MARF1: variants seen among roughly 807,000 people sequenced by gnomAD.
MARF1 encodes meiosis regulator and mRNA stability factor 1, also known as limkain-b1.
A neutral mutation model predicts 168.2 loss-of-function variants in MARF1; 24 were observed. The ratio of observed to expected loss-of-function variants is 0.14; its 90% CI spans 0.10 to 0.20. MARF1 has a LOEUF of 0.20. MARF1 is among the 10% of genes least tolerant of loss of function. MARF1 has a pLI of 1.00. For synonymous variants in MARF1, 868 were observed against 822.4 expected (o/e 1.06, Z -0.95); for missense variants, 1,744 against 2,143.6 (o/e 0.81, Z 3.68).
chr16:15,628,662 C>T (rs2035038579), intron 7 of MARF1, among the ~76,000 whole-genome samples: 1 of 152,102 alleles, frequency 6.6e-6, no homozygotes, highest in African/African-American at 2.4e-5. Flanking sequence ...GTGATCTGCC[C>T]ACCTCAGCTT....
Position 15,621,888 on chromosome 16 carries a change from G to C in MARF1, c.2484C>G (p.Pro828=), listed in dbSNP as rs1225372024. 7.4e-6 allele frequency: 12 copies of C among 1,613,854 alleles called. No individual in the cohort carries two copies. Among genetic ancestry groups the C allele is most frequent in the Non-Finnish European group, 8.5e-6 (10 of 1,179,984 alleles). Residue 828 remains proline, a synonymous_variant, in exon 12 of 27, where the codon CCC becomes CCG. Coordinates refer to ENST00000396368, the MANE Select transcript of MARF1 (RefSeq NM_014647.4). ...CAGCCTTGAGTTGATAATCTGTATG[G>C]GGGCTGAGCTCAACACTCTTCACCT... ...HGKVKSVELS[P]HTDYQLKAVV...
rs1424528986 is a variant in MARF1 at position 15,594,495 on chromosome 16, T to C, written c.*2198A>G. On this transcript the variant is annotated 3_prime_UTR_variant, in exon 27 of 27. Coordinates refer to ENST00000396368, the MANE Select transcript of MARF1 (RefSeq NM_014647.4). The stretch of plus-strand genomic sequence containing the variant: ...ACAAAGTAGACAACTAAGAAAAACA[T>C]CTCTTTCCCCCAAACCCAATCCAAA... The C allele has an allele frequency of 6.6e-6, 1 of 152,502 alleles. No individual in the cohort carries two copies. Among genetic ancestry groups the C allele is most frequent in the Non-Finnish European group, 1.5e-5 (1 of 68,016 alleles). The allele number at this position is 152,502 out of a possible 1,614,324, so 9.4% of individuals were successfully genotyped here.
intron 2 of MARF1, 98 bp from the exon 3 acceptor site, chr16:15,636,440 A>G (rs1381777179): frequency 7.5e-6 from 6 of 803,376 alleles, no homozygotes; most frequent in Non-Finnish European, 9.7e-6. Context: ...ATAGTGTTCA[A>G]TTCTGTTACA....
In MARF1 at chr16:15,602,020, C is replaced by T. The variant is rs200467003; in HGVS notation, c.4597G>A (p.Val1533Met). 397 of 1,614,078 alleles carry T rather than the reference C, an allele frequency of 2.5e-4. 1 individual carries two copies. The highest frequency in any genetic ancestry group is 3.0e-4 in the Non-Finnish European group (355 of 1,179,934). ...GGAATTGCTCCCAAGAGCTCCTCCA[C>T]GCTGCTGTGGCCGTAGGTCTTGGGC... ...LQPKTYGHSS[V>M]EELLGAIPQV... Residue 1533 changes from valine (V) to methionine (M), a missense_variant, in exon 23 of 27, where the codon GTG (valine) becomes ATG (methionine). This residue lies in a region of MARF1 where 313 missense variants were observed against 337.4 expected (regional missense o/e 0.93). Coordinates refer to ENST00000396368, the MANE Select transcript of MARF1 (RefSeq NM_014647.4).
At chr16:15,613,096 T>C (rs1180572442) in intron 16 of MARF1, among the ~76,000 whole-genome samples, 6 of 152,198 alleles carry the variant, frequency 3.9e-5, no homozygotes, top group Admixed American at 3.9e-4. Context: ...AAACTAGTTA[T>C]ATTTCCAAGA....
chr16:15,614,665 C>T (rs1415321635), intron 16 of MARF1, among the ~76,000 whole-genome samples: 9 of 150,932 alleles, frequency 6.0e-5, no homozygotes, highest in East Asian at 5.9e-4. Context: ...TGGTGGCGGG[C>T]GCCTGTAGTC....
rs1166521287 is a variant in MARF1, at chr16:15,624,760, T to G, written c.2270+9A>C. ...TAACCACCCCCATGGGTCAAGAAGC[T>G]GGACTCACCTAGAAGACCAAGACTG... On this transcript the variant is annotated intron_variant, in intron 10 of 26. Coordinates refer to ENST00000396368, the MANE Select transcript of MARF1 (RefSeq NM_014647.4). 20 of 1,612,448 alleles carry G rather than the reference T, an allele frequency of 1.2e-5. No homozygotes were observed. The highest frequency in any genetic ancestry group is 1.5e-5 in the Non-Finnish European group (18 of 1,179,398).
intron 18 of MARF1, 66 bp downstream of exon 18, chr16:15,611,524 TAG>T (rs1199397731): frequency 3.0e-5 from 42 of 1,405,188 alleles, no homozygotes; most frequent in Non-Finnish European, 9.9e-7. Flanking sequence ...GATAACTATT[TAG>T]AGTTTGGCAG....
rs771613833 is a variant in MARF1, at chr16:15,635,713, A to G, written c.774T>C (p.Asn258=). 5.0e-6 allele frequency: 8 copies of G among 1,614,064 alleles called. No individual in the cohort carries two copies. Among genetic ancestry groups the G allele is most frequent in the African/African-American group, 1.3e-5 (1 of 74,952 alleles). ...PHLCTNSLHL[N]VVPPVCLKGS... is the part of the protein sequence containing the mutation. ...CCTTTAAACAAACCGGAGGTACCAC[A>G]TTAAGGTGCAAAGAGTTGGTGCACA... is the stretch of plus-strand genomic sequence containing the variant. The change falls in exon 3 of 27, where the codon AAT becomes AAC. Residue 258 remains asparagine, a synonymous_variant. Coordinates refer to ENST00000396368, the MANE Select transcript of MARF1 (RefSeq NM_014647.4).
At position 15,612,584 on chromosome 16, in the gene MARF1, T is replaced by C. The variant is rs1276163225; in HGVS notation, c.3447A>G (p.Leu1149=). ...GCAATACATGAGGCACTGCTTCTAA[T>C]AACTCAATCAGCTTGGAGTATCCGT... ...SDYGYSKLIE[L]LEAVPHVLQI... The change falls in exon 17 of 27, where the codon TTA becomes TTG. Residue 1149 remains leucine (L), a synonymous_variant. Coordinates refer to ENST00000396368, the MANE Select transcript of MARF1 (RefSeq NM_014647.4). 6.2e-7 allele frequency: 1 copy of C among 1,614,196 alleles called. No homozygotes were observed.
intron 2 of MARF1, among the ~76,000 whole-genome samples, chr16:15,637,998 C>T (rs2035707509): frequency 6.6e-6 from 1 of 151,694 alleles, no homozygotes; most frequent in South Asian, 2.1e-4. Flanking sequence ...GAAACCCCAT[C>T]TCTACTAAAA....
rs2034221784 is a variant in MARF1 at position 15,618,442 on chromosome 16, C to T, written c.2721-907G>A. 2.6e-5 allele frequency among the ~76,000 whole-genome samples: 4 copies of T among 152,148 alleles called. 1 individual carries two copies. The South Asian group carries it at 8.3e-4, about 32-fold the overall frequency. On this transcript the variant is annotated intron_variant, in intron 13 of 26. Transcript: ENST00000396368. ...TCAGGAGCTGCTTCTGCTGTGTTAC[C>T]CCCGAGTCTCTCAGCCCCTTCCCTA... is the stretch of plus-strand genomic sequence containing the variant.
chr16:15,600,355 C>T (rs1048401407), intron 25 of MARF1, 73 bp downstream of exon 25: 12 of 1,593,982 alleles, frequency 7.5e-6, no homozygotes, highest in Non-Finnish European at 9.4e-6. Context: ...TCCTTTCCCT[C>T]GCTCTCCCCG....
chr16:15,621,007 A>G (rs1227713652), intron 12 of MARF1, among the ~76,000 whole-genome samples: 2 of 152,238 alleles, frequency 1.3e-5, no homozygotes, highest in Admixed American at 6.5e-5. Context: ...GCTTTGGGCC[A>G]TAGGCCTGTG....
chr16:15,603,851 A>T (rs186060928), intron 22 of MARF1, among the ~76,000 whole-genome samples: 3 of 152,224 alleles, frequency 2.0e-5, no homozygotes, highest in African/African-American at 7.2e-5. Flanking sequence ...TCTCATTCAG[A>T]AAGATAAAAC....
chr16:15,621,320 G>A (rs1026047875), intron 12 of MARF1, among the ~76,000 whole-genome samples: 1 of 152,190 alleles, frequency 6.6e-6, no homozygotes, highest in Non-Finnish European at 1.5e-5. Context: ...ATGGGGCTGA[G>A]TATCTATTTG....
At chr16:15,614,599 C>A (rs897641867) in intron 16 of MARF1, among the ~76,000 whole-genome samples, 2 of 144,622 alleles carry the variant, frequency 1.4e-5, no homozygotes, top group South Asian at 2.2e-4. Flanking sequence ...TCCTGGCTAA[C>A]AAGGTGAAAC....
At chr16:15,612,831 A>G in intron 16 of MARF1, 54 bp from the exon 17 acceptor site, 1 of 1,510,870 alleles carries the variant, frequency 6.6e-7, no homozygotes, top group East Asian at 2.3e-5. Context: ...ACCAGCTGAA[A>G]GAAGGGAAAA....
Position 15,631,517 on chromosome 16 carries a change from A to G in MARF1, c.1234-19T>C. Reference sequence around the variant, plus strand: ...CGGTTACCTGCATTAATTTATAATAAGGGTGAATAAGCAGGAGCTGAGGCT... The same window carrying G: ...CGGTTACCTGCATTAATTTATAATAGGGGTGAATAAGCAGGAGCTGAGGCT... On this transcript the variant is annotated intron_variant, in intron 5 of 26. Coordinates refer to ENST00000396368, the MANE Select transcript of MARF1 (RefSeq NM_014647.4). 1.3e-6 allele frequency: 2 copies of G among 1,543,180 alleles called. No homozygotes were observed. The highest frequency in any genetic ancestry group is 2.3e-5 in the South Asian group (2 of 88,672).
Sources: allele counts gnomAD v4.1 joint callset (sites outside exome capture counted in the v4.1 genomes callset), GRCh38; gene constraint gnomAD v4.1.1; regional missense constraint gnomAD v4.1.1; transcripts MANE v1.5; gene names NCBI Gene and HGNC (gene_info 2026-07-23, HGNC 2026-07-21).